The following ZNF254 variants were observed in gnomAD, a reference collection of about 807,000 sequenced individuals.
The protein encoded by ZNF254 is CTD-2017D11.1.
ZNF254 carries 10 observed loss-of-function variants against 12.4 expected under a neutral mutation model. That is an observed-to-expected ratio of 0.80 (90% CI 0.50 to 1.36). The LOEUF (loss-of-function observed/expected upper bound fraction) is 1.36. Among genes scored for constraint, ZNF254 ranks in the 40% most tolerant of loss-of-function variants. ZNF254 has a pLI of 0.00. For synonymous variants in ZNF254, 305 were observed against 253.4 expected (o/e 1.20, Z -1.93); for missense variants, 996 against 763.9 (o/e 1.30, Z -3.58).
upstream of ZNF254, among the ~76,000 whole-genome samples, chr19:24,083,509 T>A (rs971156524): frequency 6.6e-6 from 1 of 152,058 alleles, no homozygotes; most frequent in Non-Finnish European, 1.5e-5. Context: ...AAAGCAAGAC[T>A]AAGCAAAACA....
At chr19:24,065,028 T>C (rs556975622) in intron 2 of ZNF254, among the ~76,000 whole-genome samples, 1 of 152,320 alleles carries the variant, frequency 6.6e-6, no homozygotes, top group African/African-American at 2.4e-5. Flanking sequence ...GTGGCTCTTC[T>C]CACTTGCCTG....
intron 1 of ZNF254, among the ~76,000 whole-genome samples, chr19:24,034,850 C>T (rs1969907179): frequency 6.7e-6 from 1 of 150,158 alleles, no homozygotes; most frequent in Non-Finnish European, 1.5e-5. Context: ...GTGGTGCGAT[C>T]TTGGCTCACT....
chr19:24,090,036 A>C (rs1254866827), intron 1 of ZNF254, among the ~76,000 whole-genome samples: 1 of 141,268 alleles, frequency 7.1e-6, no homozygotes, highest in Non-Finnish European at 1.5e-5. Context: ...AAAAATACGA[A>C]AAAAAAAAAA....
chr19:24,102,359 G>T (rs1250383525), intron 1 of ZNF254, among the ~76,000 whole-genome samples: 2 of 147,858 alleles, frequency 1.4e-5, no homozygotes, highest in Non-Finnish European at 3.0e-5. Flanking sequence ...GGCTAAAAAA[G>T]ATTAAAATTA....
At chr19:24,118,506 G>A (rs755935823) in intron 3 of ZNF254, among the ~76,000 whole-genome samples, 5 of 151,776 alleles carry the variant, frequency 3.3e-5, no homozygotes, top group Non-Finnish European at 7.4e-5. Flanking sequence ...TTTTGTTTGT[G>A]TTTTTCGATG....
At chr19:24,091,781 C>G in intron 1 of ZNF254, 1 of 941,224 alleles carries the variant, frequency 1.1e-6, no homozygotes, top group Non-Finnish European at 1.3e-6. Flanking sequence ...GTGTGAGCCA[C>G]TGCGCCCAGC....
At chr19:24,056,794 T>G (rs1449454739) in intron 2 of ZNF254, among the ~76,000 whole-genome samples, 1 of 152,218 alleles carries the variant, frequency 6.6e-6, no homozygotes, top group Non-Finnish European at 1.5e-5. Context: ...GTGACTGTAC[T>G]GTCTGTGCCC....
intron 1 of ZNF254, among the ~76,000 whole-genome samples, chr19:24,040,239 G>C (rs921247119): frequency 2.0e-5 from 3 of 152,116 alleles, no homozygotes; most frequent in African/African-American, 7.2e-5. Context: ...ACAACTATTG[G>C]ATCTGCAGAA....
At chr19:24,104,573 A>G (rs1331819808) in intron 1 of ZNF254, 1 of 152,112 alleles carries the variant, frequency 6.6e-6, no homozygotes, top group Non-Finnish European at 1.5e-5. Context: ...TTTCTTAACT[A>G]CTTTTAAAAA....
chr19:24,084,517 G>A (rs1185367856), upstream of ZNF254, among the ~76,000 whole-genome samples: 1 of 151,956 alleles, frequency 6.6e-6, no homozygotes, highest in African/African-American at 2.4e-5. Flanking sequence ...ACTTATCCAT[G>A]TATCCAAACA....
chr19:24,058,639 C>G (rs1970954966), intron 2 of ZNF254, among the ~76,000 whole-genome samples: 1 of 152,020 alleles, frequency 6.6e-6, no homozygotes, highest in Non-Finnish European at 1.5e-5. Flanking sequence ...AACTCCTGAC[C>G]TCAGGTGATC....
chr19:24,034,497 T>G (rs1479548967), intron 1 of ZNF254, among the ~76,000 whole-genome samples: 1 of 135,108 alleles, frequency 7.4e-6, no homozygotes, highest in African/African-American at 2.7e-5. Flanking sequence ...GGTTTTTTTT[T>G]TTTTTTTTTT....
intron 3 of ZNF254, among the ~76,000 whole-genome samples, chr19:24,110,740 G>T (rs1372275064): frequency 4.6e-5 from 7 of 151,926 alleles, no homozygotes; most frequent in Non-Finnish European, 1.0e-4. Context: ...CTGTTTTTAT[G>T]AGTGTAATTA....
rs779728519 is a variant in ZNF254 at position 24,126,830 on chromosome 19, G to A, written c.830G>A (p.Arg277Gln). 24 of 1,612,648 alleles carry A rather than the reference G, an allele frequency of 1.5e-5. 1 individual carries two copies. The highest frequency in any genetic ancestry group is 1.7e-4 in the Middle Eastern group (1 of 6,050). The change falls in exon 4 of 4, where the codon CGA becomes CAA. Residue 277 changes from arginine to glutamine, a missense_variant. Arg to Gln is a conservative substitution (Grantham distance 43). Transcript: ENST00000357002. Reference protein sequence around the residue: ...KCEECGEAFNRSSNLTTHKII... With the variant: ...KCEECGEAFNQSSNLTTHKII... ...GAAGAATGTGGTGAAGCTTTTAATCGATCCTCAAATCTTACTACACATAAG... is the reference window on the plus strand; with the variant it reads ...GAAGAATGTGGTGAAGCTTTTAATCAATCCTCAAATCTTACTACACATAAG...
intron 3 of ZNF254, among the ~76,000 whole-genome samples, chr19:24,122,284 G>A (rs185145200): frequency 3.3e-5 from 5 of 152,080 alleles, no homozygotes; most frequent in South Asian, 2.1e-4. Context: ...AAGTGCAGTG[G>A]CACCATCTCA....
At chr19:24,034,453 T>G (rs55888130) in intron 1 of ZNF254, among the ~76,000 whole-genome samples, 23,724 of 150,792 alleles carry the variant, frequency 0.16, 2,070 homozygotes, top group Middle Eastern at 0.23. Context: ...TTCTAGATTT[T>G]GTGATATATG....
chr19:24,063,846 TAAG>T (rs896616348), intron 2 of ZNF254: 12 of 151,432 alleles, frequency 7.9e-5, no homozygotes, highest in Non-Finnish European at 1.8e-4. Flanking sequence ...GGCTCAGCAC[TAAG>T]AAGATGTGAG....
At chr19:24,043,676 C>T (rs1337593133) in intron 1 of ZNF254, among the ~76,000 whole-genome samples, 5 of 152,108 alleles carry the variant, frequency 3.3e-5, no homozygotes, top group African/African-American at 4.8e-5. Flanking sequence ...AAAGCATGCA[C>T]AAAGAGGCTT....
chr19:24,065,866 C>G (rs1409472398), intron 2 of ZNF254: 1 of 152,184 alleles, frequency 6.6e-6, no homozygotes, highest in African/African-American at 2.4e-5. Flanking sequence ...ATGGATGTAA[C>G]TTTTTTTCTG....
Sources: allele counts gnomAD v4.1 joint callset (sites outside exome capture counted in the v4.1 genomes callset), GRCh38; gene constraint gnomAD v4.1.1; transcripts MANE v1.5; gene names NCBI Gene and HGNC (gene_info 2026-07-23, HGNC 2026-07-21).